Variants in CLRN1 observed in about 807,000 individuals in gnomAD.
The protein encoded by CLRN1 is clarin-1.
In CLRN1, 15 loss-of-function variants were observed where a neutral mutation model predicts 18.7. The ratio of observed to expected loss-of-function variants is 0.80; its 90% confidence interval spans 0.54 to 1.23. The LOEUF (loss-of-function observed/expected upper bound fraction) is 1.23, where lower values mean the gene tolerates loss of function less well. CLRN1 is among the 50% of genes most tolerant of loss of function. CLRN1 has a pLI of 0.00. For synonymous variants in CLRN1, 104 were observed against 102.9 expected (o/e 1.01, Z -0.07); for missense variants, 311 against 277.5 (o/e 1.12, Z -0.86).
intron 1 of CLRN1, among the ~76,000 whole-genome samples, chr3:150,942,399 C>A (rs559254266): frequency 2.0e-5 from 3 of 152,152 alleles, no homozygotes. Flanking sequence ...GCAGAGAAAG[C>A]GAAACCCTAC....
At chr3:150,943,094 G>T (rs998172946) in intron 1 of CLRN1, among the ~76,000 whole-genome samples, 9 of 152,172 alleles carry the variant, frequency 5.9e-5, no homozygotes, top group Non-Finnish European at 1.5e-5. Flanking sequence ...CTGTCCGGGT[G>T]AATTAGTAAA....
chr3:150,966,322 A>G (rs1239468998), intron 1 of CLRN1, among the ~76,000 whole-genome samples: 2 of 152,198 alleles, frequency 1.3e-5, no homozygotes, highest in East Asian at 3.8e-4. Flanking sequence ...TCAAAACAAA[A>G]CAAAACAAAT....
chr3:150,962,623 T>C (rs1715090033), intron 1 of CLRN1, among the ~76,000 whole-genome samples: 1 of 152,218 alleles, frequency 6.6e-6, no homozygotes, highest in Non-Finnish European at 1.5e-5. Flanking sequence ...GAGTCTGCCA[T>C]TTTGTTAATT....
At chr3:150,950,825 A>C (rs1464631201) in intron 1 of CLRN1, among the ~76,000 whole-genome samples, 1 of 152,212 alleles carries the variant, frequency 6.6e-6, no homozygotes, top group Non-Finnish European at 1.5e-5. Context: ...TCATTCTACT[A>C]TAAAGACACA....
At chr3:150,941,082 C>T (rs1713791937) in intron 2 of CLRN1, among the ~76,000 whole-genome samples, 2 of 151,660 alleles carry the variant, frequency 1.3e-5, no homozygotes, top group Admixed American at 6.6e-5. Context: ...CCCATAGTGT[C>T]ATGGGTCAGA....
At chr3:150,955,957 C>T (rs1714718396) in intron 1 of CLRN1, among the ~76,000 whole-genome samples, 1 of 152,182 alleles carries the variant, frequency 6.6e-6, no homozygotes, top group African/African-American at 2.4e-5. Context: ...GTTCATCTCA[C>T]TATTTCCTAT....
At chr3:150,972,057 C>A (rs1460458352) in intron 1 of CLRN1, among the ~76,000 whole-genome samples, 1 of 152,070 alleles carries the variant, frequency 6.6e-6, no homozygotes, top group Non-Finnish European at 1.5e-5. Flanking sequence ...AAGGTGGCAA[C>A]CTGGTTAAAT....
intron 1 of CLRN1, among the ~76,000 whole-genome samples, chr3:150,962,312 C>T (rs766396861): frequency 2.0e-5 from 3 of 152,154 alleles, no homozygotes; most frequent in Non-Finnish European, 2.9e-5. Flanking sequence ...GAGTGTATCT[C>T]GCCATAGACA....
At chr3:150,950,434 A>G (rs979861853) in intron 1 of CLRN1, among the ~76,000 whole-genome samples, 1 of 152,254 alleles carries the variant, frequency 6.6e-6, no homozygotes, top group Non-Finnish European at 1.5e-5. Flanking sequence ...TCTAATACCC[A>G]GCATCTATGA....
At chr3:150,941,333 C>G (rs1329827227) in intron 2 of CLRN1, 2 of 422,930 alleles carry the variant, frequency 4.7e-6, no homozygotes, top group Non-Finnish European at 8.5e-6. Flanking sequence ...CGTTTATCCT[C>G]TTGATTACAT....
chr3:150,971,503 CCTATA>C (rs1715532459), intron 1 of CLRN1, among the ~76,000 whole-genome samples: 1 of 152,004 alleles, frequency 6.6e-6, no homozygotes, highest in African/African-American at 2.4e-5. Context: ...TAGCCTTCTA[CCTATA>C]CTAGAAAGAA....
intron 1 of CLRN1, among the ~76,000 whole-genome samples, chr3:150,969,948 G>T (rs1432148721): frequency 6.6e-6 from 1 of 152,152 alleles, no homozygotes; most frequent in Non-Finnish European, 1.5e-5. Context: ...CGAAGTGATT[G>T]TTACCTTGAT....
rs1455521884 is a variant in CLRN1, at chr3:150,926,776, C to T, written c.*1160G>A. On this transcript the variant is annotated 3_prime_UTR_variant, in exon 3 of 3. Transcript: ENST00000327047. Reference sequence around the variant, plus strand: ...GGTCAGAGGCCTAGTGATCTGTTTGCTGTCATTCTCTGCTTTTTCCTTGGT... The same window carrying T: ...GGTCAGAGGCCTAGTGATCTGTTTGTTGTCATTCTCTGCTTTTTCCTTGGT... 6.2e-7 allele frequency: 1 copy of T among 1,613,356 alleles called. No individual in the cohort carries two copies. Among genetic ancestry groups the T allele is most frequent in the Non-Finnish European group, 8.5e-7 (1 of 1,179,698 alleles).
chr3:150,958,733 C>G (rs1355256318), intron 1 of CLRN1, among the ~76,000 whole-genome samples: 2 of 152,152 alleles, frequency 1.3e-5, no homozygotes, highest in South Asian at 2.1e-4. Context: ...GTTTTTATAA[C>G]AAATAAAATA....
At position 150,926,784 on chromosome 3, in the gene CLRN1, C is replaced by G; in HGVS notation, c.*1152G>C. The stretch of plus-strand genomic sequence containing the variant: ...GCCTAGTGATCTGTTTGCTGTCATT[C>G]TCTGCTTTTTCCTTGGTGCTTTCTG... On this transcript the variant is annotated 3_prime_UTR_variant, in exon 3 of 3. Coordinates refer to ENST00000327047, the MANE Select transcript of CLRN1 (RefSeq NM_174878.3). 6.2e-7 allele frequency: 1 copy of G among 1,613,790 alleles called. No individual in the cohort carries two copies. The highest frequency in any genetic ancestry group is 1.1e-5 in the South Asian group (1 of 91,058).
At chr3:150,957,043 C>T (rs1360275736) in intron 1 of CLRN1, among the ~76,000 whole-genome samples, 3 of 152,138 alleles carry the variant, frequency 2.0e-5, no homozygotes, top group Non-Finnish European at 2.9e-5. Context: ...CCCAACCTTC[C>T]CTTTATTCTT....
chr3:150,928,033 A>G lies in CLRN1; in HGVS notation c.602T>C (p.Leu201Pro). 6.2e-7 allele frequency: 1 copy of G among 1,614,214 alleles called. No homozygotes were observed. Among genetic ancestry groups the G allele is most frequent in the Non-Finnish European group, 8.5e-7 (1 of 1,180,042 alleles). Residue 201 changes from leucine (L) to proline (P), a missense_variant, in exon 3 of 3, where the codon CTG becomes CCG. Leu to Pro is a moderately conservative substitution (Grantham distance 98). Coordinates refer to ENST00000327047, the MANE Select transcript of CLRN1 (RefSeq NM_174878.3). ...VIFFCFFVHF[L>P]NGLLIRLAGF... is the part of the protein sequence containing the mutation. ...AGCAAGTCGTATTAGGAGCCCATTCAGAAAATGAACAAAAAAGCAAAAGAA... is the reference window on the plus strand; with the variant it reads ...AGCAAGTCGTATTAGGAGCCCATTCGGAAAATGAACAAAAAAGCAAAAGAA...
At chr3:150,942,606 G>T in intron 1 of CLRN1, 1 of 455,372 alleles carries the variant, frequency 2.2e-6, no homozygotes, top group Non-Finnish European at 4.4e-6. Context: ...AAACAAGATG[G>T]ACAAGATTCC....
chr3:150,951,964 G>A (rs1714506128), intron 1 of CLRN1, among the ~76,000 whole-genome samples: 1 of 152,154 alleles, frequency 6.6e-6, no homozygotes, highest in East Asian at 1.9e-4. Flanking sequence ...ATTACGATTC[G>A]ACATGAGATT....
Sources: allele counts gnomAD v4.1 joint callset (sites outside exome capture counted in the v4.1 genomes callset), GRCh38; gene constraint gnomAD v4.1.1; transcripts MANE v1.5; gene names NCBI Gene and HGNC (gene_info 2026-07-23, HGNC 2026-07-21).